Variants in SPECC1L observed in about 807,000 individuals in gnomAD.
SPECC1L encodes the protein cytospin-A.
In SPECC1L, 40 loss-of-function variants were observed where a neutral mutation model predicts 116.8. The ratio of observed to expected loss-of-function variants is 0.34; its 90% CI spans 0.27 to 0.45. SPECC1L has a LOEUF of 0.45. Among genes scored for constraint, SPECC1L ranks in the 20% least tolerant of loss-of-function variants. The pLI, the probability that SPECC1L is intolerant of heterozygous loss-of-function variation, is 1.00. For synonymous variants in SPECC1L, 504 were observed against 500.6 expected, an observed-to-expected ratio of 1.01 and a Z score of -0.09; for missense variants, 1,110 against 1,373.6, an observed-to-expected ratio of 0.81 and a Z score of 3.03.
chr22:24,398,915 A>G (rs940601960), intron 14 of SPECC1L, among the ~76,000 whole-genome samples: 1 of 152,176 alleles, frequency 6.6e-6, no homozygotes, highest in Non-Finnish European at 1.5e-5. Context: ...GAGGATTTCC[A>G]CGAGGGTCTT....
intron 6 of SPECC1L, among the ~76,000 whole-genome samples, chr22:24,327,051 G>A (rs540822135): frequency 1.6e-4 from 25 of 152,004 alleles, no homozygotes; most frequent in African/African-American, 4.6e-4. Context: ...AGGCCGAGGC[G>A]GGTGGATCAT....
At chr22:24,323,803 T>C (rs745791920) in intron 5 of SPECC1L, among the ~76,000 whole-genome samples, 106 of 152,258 alleles carry the variant, frequency 7.0e-4, no homozygotes, top group Non-Finnish European at 1.3e-3. Context: ...CTAATACTTT[T>C]GTAAAAACAC....
chr22:24,394,725 G>A (rs1046426550), intron 14 of SPECC1L, among the ~76,000 whole-genome samples: 4 of 152,188 alleles, frequency 2.6e-5, no homozygotes, highest in South Asian at 2.1e-4. Flanking sequence ...CATTCGGAAC[G>A]TGTAGTGCTG....
chr22:24,383,315 A>G (rs2042096421), intron 14 of SPECC1L, among the ~76,000 whole-genome samples: 2 of 152,204 alleles, frequency 1.3e-5, no homozygotes, highest in South Asian at 4.1e-4. Context: ...AGTGGCTCAT[A>G]CCTGTAATCC....
chr22:24,302,492 CT>C (rs2049400977), intron 3 of SPECC1L, 108 bp downstream of exon 3: 8 of 1,419,006 alleles, frequency 5.6e-6, no homozygotes, highest in Middle Eastern at 2.1e-4. Context: ...TCTTCTGGTG[CT>C]GGGAACACTT....
chr22:24,396,295 GTT>G (rs11287152), intron 14 of SPECC1L, among the ~76,000 whole-genome samples: 6 of 148,408 alleles, frequency 4.0e-5, no homozygotes, highest in Admixed American at 6.7e-5. Flanking sequence ...ACTTTCTGTG[GTT>G]TTTTTTTTTT....
chr22:24,405,539 AC>A (rs2042570936), intron 14 of SPECC1L, among the ~76,000 whole-genome samples: 1 of 151,592 alleles, frequency 6.6e-6, no homozygotes, highest in African/African-American at 2.4e-5. Flanking sequence ...AGCAAACTAA[AC>A]CCTAAAAATA....
chr22:24,363,933 G>A (rs1055730562), intron 12 of SPECC1L, among the ~76,000 whole-genome samples: 1 of 142,546 alleles, frequency 7.0e-6, no homozygotes, highest in Non-Finnish European at 1.5e-5. Context: ...GTGGGGGTGG[G>A]GGTGGGAGTG....
intron 2 of SPECC1L, among the ~76,000 whole-genome samples, chr22:24,297,760 T>A (rs920863675): frequency 2.6e-5 from 4 of 152,368 alleles, no homozygotes; most frequent in South Asian, 2.1e-4. Context: ...TTGTGCGGTC[T>A]CATTGTCACA....
chr22:24,309,601 A>G (rs767113869), intron 3 of SPECC1L, among the ~76,000 whole-genome samples: 2 of 152,082 alleles, frequency 1.3e-5, no homozygotes, highest in African/African-American at 2.4e-5. Context: ...GGGTTTCACC[A>G]TGTTGGCCAG....
rs377477162 is a variant in SPECC1L at position 24,414,913 on chromosome 22, A to G, written c.*290A>G. 1.2e-4 allele frequency: 56 copies of G among 451,130 alleles called. No homozygotes were observed. In the East Asian group the frequency reaches 2.3e-3, roughly 18 times the overall value. 27.9% of individuals were successfully genotyped at this position (451,130 alleles called of 1,614,324 possible). On this transcript the variant is annotated 3_prime_UTR_variant, in exon 17 of 17. Transcript: ENST00000314328. ...TTCCTTCTGAAGAGAATATTGAACT[A>G]CACTAGTGCTCCAGGGCACCAAACA...
intron 1 of SPECC1L, among the ~76,000 whole-genome samples, chr22:24,272,759 G>T (rs1351212741): frequency 2.6e-5 from 4 of 151,780 alleles, no homozygotes; most frequent in Non-Finnish European, 4.4e-5. Context: ...GAGAAGTATT[G>T]TTGTGGGTAA....
intron 4 of SPECC1L, among the ~76,000 whole-genome samples, chr22:24,315,393 TG>T (rs1331865775): frequency 6.6e-6 from 1 of 152,284 alleles, no homozygotes; most frequent in Non-Finnish European, 1.5e-5. Flanking sequence ...TTAAGTGTCT[TG>T]GCCAAGGCCA....
At chr22:24,376,047 G>T (rs1473270042) in intron 14 of SPECC1L, among the ~76,000 whole-genome samples, 1 of 152,024 alleles carries the variant, frequency 6.6e-6, no homozygotes, top group Non-Finnish European at 1.5e-5. Context: ...TTAAGATCAG[G>T]AACAAGAAAG....
At chr22:24,304,886 C>T (rs1041748) in intron 3 of SPECC1L, among the ~76,000 whole-genome samples, 33,920 of 152,058 alleles carry the variant, frequency 0.22, 4,081 homozygotes, top group Admixed American at 0.29. Context: ...GAGAAGTATA[C>T]GTACCTGGTT....
intron 4 of SPECC1L, among the ~76,000 whole-genome samples, chr22:24,316,471 G>C (rs549591192): frequency 2.0e-4 from 30 of 151,332 alleles, no homozygotes; most frequent in Admixed American, 3.3e-4. Context: ...TTAGGGAGTG[G>C]TGATGACTCT....
At position 24,334,213 on chromosome 22, in the gene SPECC1L, C is replaced by T. The variant is rs188587752; in HGVS notation, c.2397-197C>T. Reference sequence around the variant, plus strand: ...ATTTTTAGTAGAGATGGGGTTTCACCGTGTTAGCCAAGATGGTCTCGATCT... The same window carrying T: ...ATTTTTAGTAGAGATGGGGTTTCACTGTGTTAGCCAAGATGGTCTCGATCT... On this transcript the variant is annotated intron_variant, in intron 8 of 16. Coordinates refer to ENST00000314328, the MANE Select transcript of SPECC1L (RefSeq NM_015330.6). Among the ~76,000 whole-genome samples the T allele has an allele frequency of 7.9e-5, 12 of 151,960 alleles. No homozygotes were observed. The East Asian group carries it at 1.5e-3, about 20-fold the overall frequency.
intron 14 of SPECC1L, among the ~76,000 whole-genome samples, chr22:24,402,753 A>G (rs1277503601): frequency 6.6e-6 from 1 of 152,266 alleles, no homozygotes; most frequent in Non-Finnish European, 1.5e-5. Flanking sequence ...CCCTGTGTCC[A>G]TAAAAGTGGC....
In SPECC1L at chr22:24,417,324, C is replaced by G. The variant is rs1443240036; in HGVS notation, c.*2701C>G. Reference sequence around the variant, plus strand: ...ACGTCGCATAAACCAGAACCCAGCTCCCTCCTGGGACTGGCTGTGGAGAGA... The same window carrying G: ...ACGTCGCATAAACCAGAACCCAGCTGCCTCCTGGGACTGGCTGTGGAGAGA... On this transcript the variant is annotated 3_prime_UTR_variant, in exon 17 of 17. Coordinates refer to ENST00000314328, the MANE Select transcript of SPECC1L (RefSeq NM_015330.6). 2.6e-5 allele frequency: 4 copies of G among 152,480 alleles called. No individual in the cohort carries two copies. The highest frequency in any genetic ancestry group is 2.1e-4 in the South Asian group (1 of 4,834). 9.4% of individuals were successfully genotyped at this position (152,480 alleles called of 1,614,324 possible). A position where few individuals can be genotyped will look rare whatever the true frequency, so the allele number is the denominator to read the frequency against.
Sources: gnomAD v4.1 joint callset for allele counts (sites outside exome capture counted in the v4.1 genomes callset) on GRCh38, gnomAD v4.1.1 for gene constraint, MANE v1.5 for transcripts, NCBI Gene and HGNC (gene_info 2026-07-23, HGNC 2026-07-21) for gene names.